The following SCML1 variants were observed in gnomAD, a reference collection of about 807,000 sequenced individuals.
SCML1 encodes the protein Scm polycomb group protein like 1, also known as sex comb on midleg-like protein 1.
For synonymous variants in SCML1, 104 were observed against 103.6 expected (o/e 1.00, Z -0.02); for missense variants, 137 against 258.1 (o/e 0.53, Z 3.22).
At chrX:17,745,768 A>G (rs984307824) in intron 3 of SCML1, 1 of 342,360 alleles carries the variant, frequency 2.9e-6, no homozygotes, top group Non-Finnish European at 5.0e-6. Context: ...TTTCAGTATA[A>G]AACTCTAAAC....
chrX:17,747,674 C>A (rs1468914406), intron 4 of SCML1, among the ~76,000 whole-genome samples: 1 of 112,076 alleles, frequency 8.9e-6, no homozygotes, highest in Admixed American at 9.4e-5. Flanking sequence ...GGCTTAGCCT[C>A]CTGTTCCCAC....
chrX:17,750,345 G>A, intron 6 of SCML1, 52 bp downstream of exon 6: 1 of 1,108,317 alleles, frequency 9.0e-7, no homozygotes, highest in Non-Finnish European at 1.2e-6. Flanking sequence ...GAGATGATGA[G>A]TTACTCAGCT....
At chrX:17,737,954 TAC>T (rs1025943552) in intron 1 of SCML1, 2 of 112,158 alleles carry the variant, frequency 1.8e-5, no homozygotes, top group Non-Finnish European at 3.8e-5. Flanking sequence ...AGGATCCTTT[TAC>T]AGTCATTCTC....
chrX:17,753,129 A>G (rs944795197), intron 7 of SCML1, 129 bp from the exon 8 acceptor site: 6 of 419,141 alleles, frequency 1.4e-5, no homozygotes, highest in Middle Eastern at 5.2e-4. Context: ...AAGTAGACGC[A>G]TATTCAGAGA....
chrX:17,745,961 G>A, intron 3 of SCML1, 57 bp from the exon 4 acceptor site: 2 of 697,765 alleles, frequency 2.9e-6, no homozygotes, highest in Non-Finnish European at 4.3e-6. Context: ...CCTGCCCCCA[G>A]TGTTCAGTTT....
rs2066742728 is a variant in SCML1 at position 17,754,335 on chromosome X, A to G, written c.*943A>G. ...CATTTTGTATTGCCACAGAGGTAGGATGAGCCATATATTAGTGAAATGTTT... is the reference window on the plus strand; with the variant it reads ...CATTTTGTATTGCCACAGAGGTAGGGTGAGCCATATATTAGTGAAATGTTT... On this transcript the variant is annotated 3_prime_UTR_variant, in exon 8 of 8. Coordinates refer to ENST00000380041, the MANE Select transcript of SCML1 (RefSeq NM_001037540.3). 8.9e-6 allele frequency: 1 copy of G among 112,416 alleles called. No homozygotes were observed. Among genetic ancestry groups the G allele is most frequent in the African/African-American group, 3.2e-5 (1 of 30,995 alleles). The allele number at this position is 112,416 out of a possible 1,213,427, so 9.3% of individuals were successfully genotyped here.
At chrX:17,749,293 A>G in intron 4 of SCML1, 107 bp from the exon 5 acceptor site, 1 of 487,976 alleles carries the variant, frequency 2.0e-6, no homozygotes, top group Non-Finnish European at 3.3e-6. Flanking sequence ...TGTTGTGTCT[A>G]GCAGTTAACA....
intron 1 of SCML1, among the ~76,000 whole-genome samples, chrX:17,738,459 C>A (rs1012493465): frequency 3.5e-5 from 4 of 112,707 alleles, no homozygotes; most frequent in Non-Finnish European, 7.5e-5. Flanking sequence ...GGGGCGTGGG[C>A]TGGGTGCCCT....
chrX:17,749,742 G>A (rs2066687089), intron 5 of SCML1, 152 bp from the exon 6 acceptor site: 2 of 551,416 alleles, frequency 3.6e-6, no homozygotes, highest in South Asian at 6.8e-5. Context: ...CAATTAAAAT[G>A]TAGGATTGAA....
chrX:17,738,300 C>G (rs956475344), intron 1 of SCML1, among the ~76,000 whole-genome samples: 2 of 112,281 alleles, frequency 1.8e-5, no homozygotes, highest in Non-Finnish European at 3.8e-5. Context: ...GCCGCGTGGT[C>G]GTTAACAGGA....
chrX:17,749,397 T>C lies in SCML1; in HGVS notation c.199-3T>C, dbSNP rs781219635. The C allele has an allele frequency of 1.9e-6, 2 of 1,061,733 alleles. No homozygotes were observed. Among genetic ancestry groups the C allele is most frequent in the Admixed American group, 5.2e-5 (2 of 38,110 alleles). 87.5% of individuals were successfully genotyped at this position (1,061,733 alleles called of 1,213,427 possible). On this transcript the variant is annotated splice_polypyrimidine_tract_variant and splice_region_variant and intron_variant, in intron 4 of 7. Transcript: ENST00000380041. ...ATTATATGACTACATTGTATTATAATAGGTTATATATGATGCTCTGCAAAA... is the reference window on the plus strand; with the variant it reads ...ATTATATGACTACATTGTATTATAACAGGTTATATATGATGCTCTGCAAAA...
rs2066740333 is a variant in SCML1, at chrX:17,754,100, AAACT to A, written c.*710_*713del. The A allele has an allele frequency of 8.9e-6, 1 of 112,015 alleles. No homozygotes were observed. The allele number at this position is 112,015 out of a possible 1,213,427, so 9.2% of individuals were successfully genotyped here. A position where few individuals can be genotyped will look rare whatever the true frequency, so the allele number is the denominator to read the frequency against. On this transcript the variant is annotated 3_prime_UTR_variant, in exon 8 of 8. Transcript: ENST00000380041. The stretch of plus-strand genomic sequence containing the variant: ...GAAGTCTGACTACTTTTTTTCAAAC[AAACT>A]ATTATATTAAAACTGTCATATTTTG...
rs368374844 is a variant in SCML1 at position 17,750,109 on chromosome X, G to A, written c.519G>A (p.Pro173=). 5.0e-6 allele frequency: 6 copies of A among 1,210,360 alleles called. No homozygotes were observed. In the South Asian group the frequency reaches 7.0e-5, roughly 14 times the overall value. The change falls in exon 6 of 8, where the codon CCG becomes CCA. Residue 173 remains proline (P), a synonymous_variant. Coordinates refer to ENST00000380041, the MANE Select transcript of SCML1 (RefSeq NM_001037540.3). ...AGCGAGCTGAGCTGGAGGAGGACCC[G>A]ATCCTCAGCCGCACTCCGAGTCCAG... is the stretch of plus-strand genomic sequence containing the variant. ...EYQRAELEED[P]ILSRTPSPVH...
In SCML1 at chrX:17,753,813, G is replaced by GT. The variant is rs749325839; in HGVS notation, c.*422dup. The GT allele has an allele frequency of 9.0e-6, 1 of 111,589 alleles. No individual in the cohort carries two copies. Among genetic ancestry groups the GT allele is most frequent in the African/African-American group, 3.3e-5 (1 of 30,740 alleles). 9.2% of individuals were successfully genotyped at this position (111,589 alleles called of 1,213,427 possible). A position where few individuals can be genotyped will look rare whatever the true frequency, so the allele number is the denominator to read the frequency against. Reference sequence around the variant, plus strand: ...TTATTCCTCAGAAGAGAATTTAAAGGTGTACCCATATATATCTCTTTCTGG... The same window carrying GT: ...TTATTCCTCAGAAGAGAATTTAAAGGTTGTACCCATATATATCTCTTTCTGG... On this transcript the variant is annotated 3_prime_UTR_variant, in exon 8 of 8. Transcript: ENST00000380041.
At chrX:17,739,229 A>G (rs1488714203) in intron 1 of SCML1, among the ~76,000 whole-genome samples, 1 of 112,190 alleles carries the variant, frequency 8.9e-6, no homozygotes, top group African/African-American at 3.2e-5. Context: ...AAGTAAACTC[A>G]TTTTTACGGG....
At chrX:17,738,918 T>C (rs1483003653) in intron 1 of SCML1, among the ~76,000 whole-genome samples, 3 of 111,851 alleles carry the variant, frequency 2.7e-5, no homozygotes, top group Non-Finnish European at 5.6e-5. Context: ...TCTGAGAAAA[T>C]GTTGTAAAGC....
chrX:17,753,462 T>G lies in SCML1; in HGVS notation c.*70T>G, dbSNP rs751402043. 64 of 867,883 alleles carry G rather than the reference T, an allele frequency of 7.4e-5. No homozygotes were observed. The highest frequency in any genetic ancestry group is 7.0e-5 in the Non-Finnish European group (45 of 640,651). The allele number at this position is 867,883 out of a possible 1,213,427, so 71.5% of individuals were successfully genotyped here. A position where few individuals can be genotyped will look rare whatever the true frequency, so the allele number is the denominator to read the frequency against. On this transcript the variant is annotated 3_prime_UTR_variant, in exon 8 of 8. Transcript: ENST00000380041. Reference sequence around the variant, plus strand: ...CCAATGCCTTCTTAGTGTGGAATCATTTTTCTGCCCTTTAGTCGTTTTTGT... The same window carrying G: ...CCAATGCCTTCTTAGTGTGGAATCAGTTTTCTGCCCTTTAGTCGTTTTTGT...
At chrX:17,747,276 C>T (rs2066651152) in intron 4 of SCML1, among the ~76,000 whole-genome samples, 1 of 111,640 alleles carries the variant, frequency 9.0e-6, no homozygotes, top group African/African-American at 3.3e-5. Context: ...CTAGTCCCCT[C>T]CCTGAACTCA....
chrX:17,749,661 A>G (rs2066685425), intron 5 of SCML1, 157 bp downstream of exon 5: 4 of 491,113 alleles, frequency 8.1e-6, no homozygotes, highest in Non-Finnish European at 1.3e-5. Flanking sequence ...TGTTGGGAGA[A>G]CGCTGAAGTT....
Sources: gnomAD v4.1 joint callset for allele counts (sites outside exome capture counted in the v4.1 genomes callset) on GRCh38, gnomAD v4.1.1 for gene constraint, MANE v1.5 for transcripts, NCBI Gene and HGNC (gene_info 2026-07-23, HGNC 2026-07-21) for gene names.